CLIP2: variants seen among roughly 807,000 people sequenced by gnomAD.
The protein encoded by CLIP2 is CAP-Gly domain containing linker protein 2.
A neutral mutation model predicts 111.7 loss-of-function variants in CLIP2; 41 were observed. That is an observed-to-expected ratio of 0.37 (90% CI 0.29 to 0.48). The LOEUF is 0.48. Ranked by LOEUF, CLIP2 falls within the 20% of genes least tolerant of loss-of-function variation. CLIP2 has a pLI of 0.99. For synonymous variants in CLIP2, 660 were observed against 644.2 expected (o/e 1.02, Z -0.37); for missense variants, 1,160 against 1,422.1 (o/e 0.82, Z 2.96).
In CLIP2 at chr7:74,350,094, C is replaced by T. The variant is rs368121485; in HGVS notation, c.679-3786C>T. 3.3e-5 allele frequency among the ~76,000 whole-genome samples: 5 copies of T among 152,236 alleles called. No homozygotes were observed. In the South Asian group the frequency reaches 8.3e-4, roughly 25 times the overall value. On this transcript the variant is annotated intron_variant, in intron 3 of 16. Transcript: ENST00000223398. ...TTTGAAATGGAGTCTCACTCTGTCACCCAGGCTAGAGTGCAGTGGCGCAAT... is the reference window on the plus strand; with the variant it reads ...TTTGAAATGGAGTCTCACTCTGTCATCCAGGCTAGAGTGCAGTGGCGCAAT...
chr7:74,384,326 C>A (rs782238940), intron 11 of CLIP2, among the ~76,000 whole-genome samples: 13 of 152,128 alleles, frequency 8.5e-5, no homozygotes, highest in Non-Finnish European at 1.8e-4. Flanking sequence ...TTGTTTCTAC[C>A]TTTTGGCTAT....
rs781982097 is a variant in CLIP2 at position 74,338,671 on chromosome 7, C to G, written c.345C>G (p.Asp115Glu). The change falls in exon 3 of 17, where the codon GAC becomes GAG. Residue 115 changes from aspartate to glutamate, a missense_variant. Asp to Glu is a conservative substitution (Grantham distance 45). Around this residue, in one of 5 missense-constraint regions of CLIP2, gnomAD observed 301 missense variants for 315.2 expected, o/e 0.96. Coordinates refer to ENST00000223398, the MANE Select transcript of CLIP2 (RefSeq NM_003388.5). This position sits in a 1 kb window ranked among gnomAD's most constrained non-coding sequence, Gnocchi z 4.3. ...PGQWAGVVLDDPVGKNDGAVG... is the reference protein window; with the variant it reads ...PGQWAGVVLDEPVGKNDGAVG... ...AGTGGGCTGGCGTGGTGCTGGACGACCCGGTGGGCAAGAATGATGGCGCGG... is the reference window on the plus strand; with the variant it reads ...AGTGGGCTGGCGTGGTGCTGGACGAGCCGGTGGGCAAGAATGATGGCGCGG... 14 of 1,578,210 alleles carry G rather than the reference C, an allele frequency of 8.9e-6. No individual in the cohort carries two copies. In the East Asian group the frequency reaches 1.4e-4, roughly 16 times the overall value.
chr7:74,371,887 T>A (rs1022249280), intron 8 of CLIP2, among the ~76,000 whole-genome samples: 2 of 152,144 alleles, frequency 1.3e-5, no homozygotes, highest in Non-Finnish European at 2.9e-5. Context: ...GTATTTCTAA[T>A]CAGGTGATGT....
chr7:74,319,130 G>A (rs540003146), intron 2 of CLIP2, among the ~76,000 whole-genome samples: 2 of 152,146 alleles, frequency 1.3e-5, no homozygotes, highest in Admixed American at 6.6e-5. Flanking sequence ...GAGAAAATTC[G>A]GGGGATGAGG....
chr7:74,299,715 T>G (rs2116453970), intron 1 of CLIP2, among the ~76,000 whole-genome samples: 1 of 152,098 alleles, frequency 6.6e-6, no homozygotes, highest in Admixed American at 6.5e-5. Flanking sequence ...TTTTTTTTTT[T>G]GAGACGGAGT....
At chr7:74,322,803 T>C (rs1554730190) in intron 2 of CLIP2, among the ~76,000 whole-genome samples, 1 of 152,130 alleles carries the variant, frequency 6.6e-6, no homozygotes. Context: ...CGATCTTGGC[T>C]CACTGCAACC....
chr7:74,364,060 TTGG>T (rs1281152269), intron 7 of CLIP2, among the ~76,000 whole-genome samples, 192 bp from the exon 8 acceptor site: 1 of 152,198 alleles, frequency 6.6e-6, no homozygotes, highest in Admixed American at 6.5e-5. Flanking sequence ...TCTGGAGTTA[TTGG>T]TGGTTCTTCC....
chr7:74,325,551 G>C (rs1433676782), intron 2 of CLIP2, among the ~76,000 whole-genome samples: 1 of 152,206 alleles, frequency 6.6e-6, no homozygotes, highest in African/African-American at 2.4e-5. Context: ...GGCCCTGAGG[G>C]CCTGGCATGG....
At chr7:74,375,642 C>T (rs868970459) in intron 9 of CLIP2, among the ~76,000 whole-genome samples, 1 of 147,604 alleles carries the variant, frequency 6.8e-6, no homozygotes, top group Non-Finnish European at 1.5e-5. Flanking sequence ...AGAGGAGTGG[C>T]GACAGTTGGC....
chr7:74,305,249 G>A (rs1220472680), intron 1 of CLIP2, among the ~76,000 whole-genome samples: 1 of 152,088 alleles, frequency 6.6e-6, no homozygotes, highest in Non-Finnish European at 1.5e-5. Context: ...TTGCCCATTG[G>A]ATGGGGCACC....
intron 1 of CLIP2, among the ~76,000 whole-genome samples, chr7:74,300,869 G>A (rs1175796368): frequency 6.6e-6 from 1 of 152,114 alleles, no homozygotes; most frequent in Non-Finnish European, 1.5e-5. Flanking sequence ...CTTTGCTCTT[G>A]TGAATTGTGC....
At chr7:74,384,997 C>T (rs1791045163) in intron 11 of CLIP2, among the ~76,000 whole-genome samples, 2 of 151,306 alleles carry the variant, frequency 1.3e-5, no homozygotes, top group African/African-American at 4.9e-5. Context: ...AACAATTAGG[C>T]TAGGCGCGGT....
In CLIP2 at chr7:74,376,588, G is replaced by A. The variant is rs1323588114; in HGVS notation, c.2187G>A (p.Glu729=). 6.2e-7 allele frequency: 1 copy of A among 1,611,832 alleles called. No individual in the cohort carries two copies. The highest frequency in any genetic ancestry group is 8.5e-7 in the Non-Finnish European group (1 of 1,179,374). ...CCCAGGACCAGCGCCGGGATGCCGA[G>A]CTGCGTGTGCACGAGCTGGAAAAAC... ...QEAQDQRRDA[E]LRVHELEKLD... The change falls in exon 10 of 17, where the codon GAG becomes GAA. Residue 729 remains glutamate (E), a synonymous_variant. Transcript: ENST00000223398. The surrounding 1 kb of genome is among the most constrained non-coding windows in gnomAD (Gnocchi z 7.1).
chr7:74,329,915 G>T (rs1789227540), intron 2 of CLIP2, among the ~76,000 whole-genome samples: 1 of 152,058 alleles, frequency 6.6e-6, no homozygotes, highest in African/African-American at 2.4e-5. Context: ...GAGTAGCTGG[G>T]ATTACAAGCG....
At chr7:74,372,832 CTCTCTCTCTT>C (rs1790667527) in intron 8 of CLIP2, 90 bp from the exon 9 acceptor site, 8 of 634,190 alleles carry the variant, frequency 1.3e-5, no homozygotes, top group Non-Finnish European at 1.9e-5. Context: ...TCCTCTCTCT[CTCTCTCTCTT>C]TCTCTCTCTC....
intron 1 of CLIP2, among the ~76,000 whole-genome samples, chr7:74,299,947 T>C (rs1350443492): frequency 6.6e-6 from 1 of 152,122 alleles, no homozygotes; most frequent in Non-Finnish European, 1.5e-5. Flanking sequence ...TCCACCTGCC[T>C]TGGCCTCCCA....
chr7:74,335,668 T>TTCCTTCCTTCCC (rs1298432479), intron 2 of CLIP2, among the ~76,000 whole-genome samples: 2 of 147,378 alleles, frequency 1.4e-5, no homozygotes, highest in African/African-American at 2.5e-5. Context: ...CCTTCCTTCC[T>TTCCTTCCTTCCC]TCCTTCCTTG....
intron 1 of CLIP2, among the ~76,000 whole-genome samples, chr7:74,300,597 C>T (rs928267107): frequency 2.0e-5 from 3 of 151,756 alleles, no homozygotes; most frequent in Admixed American, 6.6e-5. Context: ...CTGGGACTAC[C>T]GGCGCCCGCC....
chr7:74,371,780 G>T lies in CLIP2; in HGVS notation c.1381-1152G>T, dbSNP rs1396386694. ...GGGAGGAGAAGGAGAGAGGAGGGGA[G>T]AGAGAGAACTTTTTTTGTTGTTCCT... is the stretch of plus-strand genomic sequence containing the variant. On this transcript the variant is annotated intron_variant, in intron 8 of 16. Transcript: ENST00000223398. 2.0e-5 allele frequency among the ~76,000 whole-genome samples: 3 copies of T among 150,306 alleles called. No individual in the cohort carries two copies. In the South Asian group the frequency reaches 6.3e-4, roughly 31 times the overall value.
Sources: allele counts gnomAD v4.1 joint callset (sites outside exome capture counted in the v4.1 genomes callset), GRCh38; gene constraint gnomAD v4.1.1; regional missense constraint gnomAD v4.1.1; non-coding constraint Gnocchi (gnomAD v3.1); transcripts MANE v1.5; gene names NCBI Gene and HGNC (gene_info 2026-07-23, HGNC 2026-07-21).